INPP4B: variants seen among roughly 807,000 people sequenced by gnomAD.
INPP4B encodes the protein inositol polyphosphate 4-phosphatase type II.
Under a neutral mutation model 122.5 loss-of-function variants are expected in INPP4B, and 55 were observed. That is an observed-to-expected ratio of 0.45 (90% CI 0.36 to 0.56). INPP4B has a LOEUF of 0.56. Among genes scored for constraint, INPP4B ranks in the 20% least tolerant of loss-of-function variants. The probability of loss-of-function intolerance (pLI) is 0.00; values close to 1 mark genes in which losing one functional copy is unlikely to be tolerated. For missense variants in INPP4B, 1,000 were observed against 1,097.7 expected (o/e 0.91, Z 1.26); for synonymous variants, 403 against 388.7 (o/e 1.04, Z -0.43).
intron 11 of INPP4B, among the ~76,000 whole-genome samples, chr4:142,254,092 C>A (rs934351732): frequency 5.9e-5 from 9 of 152,130 alleles, no homozygotes; most frequent in Non-Finnish European, 1.2e-4. Context: ...CCAGCAGGGG[C>A]AGACTGACAC....
At chr4:142,060,135 C>T (rs3775617) in intron 25 of INPP4B, among the ~76,000 whole-genome samples, 16,987 of 152,064 alleles carry the variant, frequency 0.11, 1,258 homozygotes, top group South Asian at 0.24. Flanking sequence ...AGTGAAACTG[C>T]CCCATGGGAT....
intron 1 of INPP4B, among the ~76,000 whole-genome samples, chr4:142,782,701 T>A (rs542381006): frequency 1.3e-5 from 2 of 152,118 alleles, no homozygotes; most frequent in Non-Finnish European, 2.9e-5. Context: ...GATATCTCAT[T>A]GTGGTTTTGA....
intron 17 of INPP4B, among the ~76,000 whole-genome samples, chr4:142,150,807 G>T (rs1579086115): frequency 6.6e-6 from 1 of 152,218 alleles, no homozygotes; most frequent in African/African-American, 2.4e-5. Context: ...TTGTGAGTTT[G>T]GTAGCATCAA....
intron 1 of INPP4B, among the ~76,000 whole-genome samples, chr4:142,801,378 T>G (rs985362846): frequency 1.3e-5 from 2 of 152,124 alleles, no homozygotes. Flanking sequence ...AATGAGGCCA[T>G]CAGGGCAAGC....
chr4:142,780,317 A>C (rs1339692571), intron 1 of INPP4B, among the ~76,000 whole-genome samples: 1 of 152,200 alleles, frequency 6.6e-6, no homozygotes, highest in Non-Finnish European at 1.5e-5. Context: ...ACTAAGGTTT[A>C]ATATCAGAGG....
chr4:142,822,954 T>C (rs1024617481), intron 1 of INPP4B, among the ~76,000 whole-genome samples: 12 of 152,198 alleles, frequency 7.9e-5, no homozygotes, highest in African/African-American at 2.9e-4. Context: ...CAGGACCTGC[T>C]CTGCATATCC....
chr4:142,641,083 A>G (rs568085043), intron 2 of INPP4B, among the ~76,000 whole-genome samples: 1 of 152,218 alleles, frequency 6.6e-6, no homozygotes, highest in Non-Finnish European at 1.5e-5. Flanking sequence ...GTATAATACT[A>G]TCATAAATGC....
intron 1 of INPP4B, among the ~76,000 whole-genome samples, chr4:142,780,986 C>T (rs185645082): frequency 2.0e-5 from 3 of 152,142 alleles, no homozygotes; most frequent in Admixed American, 1.3e-4. Context: ...ACCTTAGACG[C>T]GTTAGAGAAA....
intron 7 of INPP4B, among the ~76,000 whole-genome samples, chr4:142,365,272 T>C (rs1787018744): frequency 6.6e-6 from 1 of 152,098 alleles, no homozygotes; most frequent in Admixed American, 6.6e-5. Flanking sequence ...AATAAAAGCA[T>C]TTCATGTTTG....
chr4:142,356,314 C>T (rs2029990), intron 7 of INPP4B, among the ~76,000 whole-genome samples: 104,290 of 149,062 alleles, frequency 0.7, 37,058 homozygotes, highest in East Asian at 0.86. Context: ...GGTAATTCAA[C>T]TGTGTAAGAA....
At chr4:142,642,411 T>A (rs1457509459) in intron 2 of INPP4B, among the ~76,000 whole-genome samples, 1 of 152,240 alleles carries the variant, frequency 6.6e-6, no homozygotes, top group Non-Finnish European at 1.5e-5. Context: ...GTCCAACATT[T>A]AAGCCTTTAA....
intron 23 of INPP4B, among the ~76,000 whole-genome samples, chr4:142,107,374 T>C (rs1787695885): frequency 6.6e-6 from 1 of 152,208 alleles, no homozygotes; most frequent in South Asian, 2.1e-4. Context: ...ATTTTCCTAC[T>C]TTATTAAAAC....
intron 1 of INPP4B, among the ~76,000 whole-genome samples, chr4:142,783,683 CA>C (rs1162014760): frequency 3.7e-4 from 57 of 152,192 alleles, no homozygotes; most frequent in Admixed American, 3.7e-3. Context: ...GTGTACTCTG[CA>C]AAACATTAAA....
chr4:142,404,888 A>G (rs1375753454), intron 6 of INPP4B, among the ~76,000 whole-genome samples: 2 of 152,068 alleles, frequency 1.3e-5, no homozygotes, highest in African/African-American at 4.8e-5. Context: ...ATGAGAATTT[A>G]AAGTGGGAAC....
chr4:142,501,173 T>A (rs954523259), intron 2 of INPP4B, among the ~76,000 whole-genome samples: 1 of 152,226 alleles, frequency 6.6e-6, no homozygotes, highest in African/African-American at 2.4e-5. Flanking sequence ...CCTCTACTAA[T>A]GTTCACTAGG....
chr4:142,155,730 A>C (rs180902098), intron 17 of INPP4B, among the ~76,000 whole-genome samples: 1 of 152,110 alleles, frequency 6.6e-6, no homozygotes, highest in Non-Finnish European at 1.5e-5. Flanking sequence ...AAGGTATAGT[A>C]CAAAATGAAC....
intron 2 of INPP4B, among the ~76,000 whole-genome samples, chr4:142,661,624 C>T (rs1056054468): frequency 6.6e-6 from 1 of 152,160 alleles, no homozygotes. Flanking sequence ...TTTAAATAAA[C>T]CCTTTTTAAA....
At chr4:142,741,474 CCAAT>C (rs1767891210) in intron 1 of INPP4B, among the ~76,000 whole-genome samples, 1 of 151,934 alleles carries the variant, frequency 6.6e-6, no homozygotes, top group Non-Finnish European at 1.5e-5. Context: ...GGCCCCATCT[CCAAT>C]ACTGGGGATT....
At chr4:142,382,183 TA>T (rs1202259336) in intron 7 of INPP4B, among the ~76,000 whole-genome samples, 1 of 152,204 alleles carries the variant, frequency 6.6e-6, no homozygotes, top group Non-Finnish European at 1.5e-5. Context: ...TTCCCATCTG[TA>T]AAGATCTTAT....
Sources: gnomAD v4.1 joint callset for allele counts (sites outside exome capture counted in the v4.1 genomes callset) on GRCh38, gnomAD v4.1.1 for gene constraint, MANE v1.5 for transcripts, NCBI Gene and HGNC (gene_info 2026-07-23, HGNC 2026-07-21) for gene names.